Variants in PLCB1 observed in about 807,000 individuals in gnomAD.
PLCB1 encodes the protein 1-phosphatidylinositol 4,5-bisphosphate phosphodiesterase beta-1.
PLCB1 carries 46 observed loss-of-function variants against 161.8 expected under a neutral mutation model. The observed-to-expected ratio is 0.28, with a 90% confidence interval of 0.22 to 0.36. PLCB1 has a LOEUF of 0.36. PLCB1 is among the 10% of genes least tolerant of loss of function. The pLI, the probability that PLCB1 is intolerant of heterozygous loss-of-function variation, is 1.00. For missense variants in PLCB1, 1,016 were observed against 1,472.5 expected (o/e 0.69, Z 5.07); for synonymous variants, 517 against 503.7 (o/e 1.03, Z -0.35).
At chr20:8,451,204 T>A (rs2122646936) in intron 3 of PLCB1, among the ~76,000 whole-genome samples, 1 of 152,326 alleles carries the variant, frequency 6.6e-6, no homozygotes, top group African/African-American at 2.4e-5. Context: ...ACAAAGTTAT[T>A]TTCCCATTAA....
At chr20:8,643,994 G>A (rs1330011401) in intron 4 of PLCB1, among the ~76,000 whole-genome samples, 1 of 152,196 alleles carries the variant, frequency 6.6e-6, no homozygotes, top group Non-Finnish European at 1.5e-5. Context: ...ACGGGGTTTC[G>A]CTGTGTTGGC....
In PLCB1 at chr20:8,270,068, A is replaced by G. The variant is rs369385320; in HGVS notation, c.178-101314A>G. Among the ~76,000 whole-genome samples the G allele has an allele frequency of 1.3e-4, 20 of 152,244 alleles. No homozygotes were observed. In the East Asian group the frequency reaches 3.5e-3, roughly 26 times the overall value. ...AGTCCAGGGTTAAATTGAAAATAATACTTTTTAGTATTTGTGGCCAGAATG... is the reference window on the plus strand; with the variant it reads ...AGTCCAGGGTTAAATTGAAAATAATGCTTTTTAGTATTTGTGGCCAGAATG... On this transcript the variant is annotated intron_variant, in intron 2 of 31. Transcript: ENST00000338037.
chr20:8,826,584 C>T (rs186566244), intron 31 of PLCB1, among the ~76,000 whole-genome samples: 1 of 151,974 alleles, frequency 6.6e-6, no homozygotes, highest in Admixed American at 6.5e-5. Context: ...TTATTCTAAA[C>T]TCAGCACTAG....
chr20:8,209,470 A>C (rs1324909138), intron 2 of PLCB1, among the ~76,000 whole-genome samples: 1 of 152,130 alleles, frequency 6.6e-6, no homozygotes, highest in African/African-American at 2.4e-5. Flanking sequence ...GAAGTGTGTA[A>C]TCTTATGGTA....
chr20:8,645,954 C>A, intron 4 of PLCB1, 148 bp from the exon 5 acceptor site: 2 of 540,766 alleles, frequency 3.7e-6, no homozygotes, highest in African/African-American at 3.8e-5. Flanking sequence ...TCATTTTTAC[C>A]CAAAAAAGGG....
chr20:8,559,322 C>T (rs964224318), intron 3 of PLCB1, among the ~76,000 whole-genome samples: 3 of 151,594 alleles, frequency 2.0e-5, no homozygotes, highest in African/African-American at 7.3e-5. Context: ...AAAATATTAA[C>T]TATAAAATAT....
intron 2 of PLCB1, among the ~76,000 whole-genome samples, chr20:8,317,189 G>A (rs943833298): frequency 6.6e-6 from 1 of 152,118 alleles, no homozygotes; most frequent in African/African-American, 2.4e-5. Context: ...AGTGGATAGA[G>A]TCTAAGGTTT....
intron 2 of PLCB1, among the ~76,000 whole-genome samples, chr20:8,210,526 T>C (rs1418653623): frequency 6.6e-6 from 1 of 152,118 alleles, no homozygotes; most frequent in Non-Finnish European, 1.5e-5. Context: ...CTTTCTCAAT[T>C]TGGGGCAAGG....
intron 3 of PLCB1, among the ~76,000 whole-genome samples, chr20:8,391,988 G>A (rs1261471592): frequency 6.6e-6 from 1 of 151,774 alleles, no homozygotes; most frequent in Non-Finnish European, 1.5e-5. Context: ...AAAATATGGA[G>A]TATATCATTA....
chr20:8,707,661 A>G (rs1212129101), intron 11 of PLCB1, among the ~76,000 whole-genome samples: 1 of 152,194 alleles, frequency 6.6e-6, no homozygotes, highest in Non-Finnish European at 1.5e-5. Flanking sequence ...TCATTCCCAG[A>G]AAATCAATCA....
intron 3 of PLCB1, among the ~76,000 whole-genome samples, chr20:8,584,485 C>CACACACACAG (rs1555774027): frequency 6.7e-6 from 1 of 148,620 alleles, no homozygotes; most frequent in Non-Finnish European, 1.5e-5. Context: ...CACACACAGA[C>CACACACACAG]ACACACACAC....
chr20:8,287,047 T>A (rs570506530), intron 2 of PLCB1, among the ~76,000 whole-genome samples: 1 of 152,230 alleles, frequency 6.6e-6, no homozygotes, highest in African/African-American at 2.4e-5. Flanking sequence ...TCCAACAGGA[T>A]TTTATGTTGA....
chr20:8,548,329 CTT>C (rs1985641587), intron 3 of PLCB1, among the ~76,000 whole-genome samples: 1 of 128,050 alleles, frequency 7.8e-6, no homozygotes, highest in Non-Finnish European at 1.6e-5. Context: ...ATCATTTTTT[CTT>C]TCTCTTTGTT....
chr20:8,634,504 A>G (rs1988698750), intron 4 of PLCB1, among the ~76,000 whole-genome samples: 1 of 152,116 alleles, frequency 6.6e-6, no homozygotes, highest in Non-Finnish European at 1.5e-5. Context: ...TAGCTCTCAC[A>G]TCTCTTTCCT....
intron 2 of PLCB1, among the ~76,000 whole-genome samples, chr20:8,213,582 C>G (rs1978948883): frequency 6.6e-6 from 1 of 151,916 alleles, no homozygotes; most frequent in Non-Finnish European, 1.5e-5. Flanking sequence ...GAACAGGGGT[C>G]AGAATAAAGC....
At chr20:8,821,041 G>C (rs570833070) in intron 31 of PLCB1, among the ~76,000 whole-genome samples, 1 of 152,234 alleles carries the variant, frequency 6.6e-6, no homozygotes, top group Non-Finnish European at 1.5e-5. Flanking sequence ...GGGAAGGAGA[G>C]AGGATTTTAT....
chr20:8,409,054 G>C (rs1242608658), intron 3 of PLCB1, among the ~76,000 whole-genome samples: 2 of 152,176 alleles, frequency 1.3e-5, no homozygotes, highest in Non-Finnish European at 2.9e-5. Flanking sequence ...TAGCATTTCT[G>C]TGGGTTAGAG....
intron 2 of PLCB1, among the ~76,000 whole-genome samples, chr20:8,216,623 C>T (rs991654557): frequency 2.6e-5 from 4 of 151,916 alleles, no homozygotes; most frequent in African/African-American, 7.3e-5. Flanking sequence ...TCCACTCAAC[C>T]AAAGGTAGTT....
At chr20:8,546,313 C>CAAAAAAA (rs369485988) in intron 3 of PLCB1, among the ~76,000 whole-genome samples, 9 of 102,930 alleles carry the variant, frequency 8.7e-5, no homozygotes, top group African/African-American at 1.9e-4. Context: ...GACTCTATCT[C>CAAAAAAA]AAAAAAAAAA....
Sources: allele counts gnomAD v4.1 joint callset (sites outside exome capture counted in the v4.1 genomes callset), GRCh38; gene constraint gnomAD v4.1.1; transcripts MANE v1.5; gene names NCBI Gene and HGNC (gene_info 2026-07-23, HGNC 2026-07-21).